DPP9: variants seen among roughly 807,000 people sequenced by gnomAD.
DPP9 encodes the protein dipeptidyl peptidase IV-related protein-2.
In DPP9, 50 loss-of-function variants were observed where a neutral mutation model predicts 110.7. The ratio of observed to expected loss-of-function variants is 0.45; its 90% confidence interval spans 0.36 to 0.57. The LOEUF is 0.57. Among genes scored for constraint, DPP9 ranks in the 20% least tolerant of loss-of-function variants. The pLI is 0.00. For synonymous variants in DPP9, 561 were observed against 514.4 expected, an observed-to-expected ratio of 1.09 and a Z score of -1.23; for missense variants, 1,022 against 1,217.9, an observed-to-expected ratio of 0.84 and a Z score of 2.39.
intron 4 of DPP9, among the ~76,000 whole-genome samples, chr19:4,707,283 T>C (rs2092630631): frequency 6.6e-6 from 1 of 152,130 alleles, no homozygotes; most frequent in Non-Finnish European, 1.5e-5. Context: ...TAGTGGCAAA[T>C]AAAATAACTG....
Position 4,694,934 on chromosome 19 carries a change from G to A in DPP9, c.1354-111C>T. 9.1e-7 allele frequency: 1 copy of A among 1,095,160 alleles called. No individual in the cohort carries two copies. Among genetic ancestry groups the A allele is most frequent in the South Asian group, 1.5e-5 (1 of 68,078 alleles). 67.8% of individuals were successfully genotyped at this position (1,095,160 alleles called of 1,614,324 possible). A position where few individuals can be genotyped will look rare whatever the true frequency, so the allele number is the denominator to read the frequency against. On this transcript the variant is annotated intron_variant, in intron 12 of 21. Transcript: ENST00000262960. This position sits in a 1 kb window ranked among gnomAD's most constrained non-coding sequence, Gnocchi z 4.0. ...AGGCTGGGGCAGGAGACTTGCTTGA[G>A]CCCAGGAATTTCAGAGACCAGCCTG... is the stretch of plus-strand genomic sequence containing the variant.
rs2090924143 is a variant in DPP9, at chr19:4,687,827, T to G, written c.1885+930A>C. ...GGTTTTTTTTTTTTGAGACGGAGTCTCGCTCTGTCGCCCAGGCTAAAGTAC... is the reference window on the plus strand; with the variant it reads ...GGTTTTTTTTTTTTGAGACGGAGTCGCGCTCTGTCGCCCAGGCTAAAGTAC... On this transcript the variant is annotated intron_variant, in intron 16 of 21. Coordinates refer to ENST00000262960, the MANE Select transcript of DPP9 (RefSeq NM_139159.5). The surrounding 1 kb of genome is among the most constrained non-coding windows in gnomAD (Gnocchi z 4.7). Among the ~76,000 whole-genome samples the G allele has an allele frequency of 6.6e-6, 1 of 152,070 alleles. No homozygotes were observed. The highest frequency in any genetic ancestry group is 2.4e-5 in the African/African-American group (1 of 41,398).
rs1275735055 is a variant in DPP9 at position 4,695,474 on chromosome 19, T to A, written c.1257A>T (p.Thr419=). 6.3e-7 allele frequency: 1 copy of A among 1,580,020 alleles called. No individual in the cohort carries two copies. The highest frequency in any genetic ancestry group is 8.6e-7 in the Non-Finnish European group (1 of 1,164,186). The part of the protein sequence containing the change: ...LLPPALFIPS[T]ENEEQRLASA... Reference sequence around the variant, plus strand: ...AGGCTAGCCGCTGCTCCTCATTCTCTGTGCTCGGGATGAACAGGGCCGGGG... The same window carrying A: ...AGGCTAGCCGCTGCTCCTCATTCTCAGTGCTCGGGATGAACAGGGCCGGGG... Residue 419 remains threonine (T), a synonymous_variant, in exon 12 of 22, where the codon ACA becomes ACT. Transcript: ENST00000262960. This position sits in a 1 kb window ranked among gnomAD's most constrained non-coding sequence, Gnocchi z 4.7.
At chr19:4,717,381 C>T (rs2093129248) in intron 3 of DPP9, among the ~76,000 whole-genome samples, 1 of 152,178 alleles carries the variant, frequency 6.6e-6, no homozygotes, top group Non-Finnish European at 1.5e-5. Context: ...CCCCACTGCC[C>T]CAAGCACTGC....
chr19:4,678,768 C>A (rs1003614886), intron 21 of DPP9, among the ~76,000 whole-genome samples: 1 of 151,998 alleles, frequency 6.6e-6, no homozygotes, highest in Non-Finnish European at 1.5e-5. Context: ...CAGAGCATGC[C>A]GAGGCGCCCA....
intron 4 of DPP9, among the ~76,000 whole-genome samples, chr19:4,713,761 A>C (rs114149871): frequency 0.016 from 2,452 of 152,206 alleles, 73 homozygotes; most frequent in African/African-American, 0.056. Flanking sequence ...GACCCGGCTG[A>C]CTAGCACTGG....
chr19:4,678,142 T>C (rs558287153), intron 21 of DPP9, among the ~76,000 whole-genome samples: 1 of 151,816 alleles, frequency 6.6e-6, no homozygotes, highest in Non-Finnish European at 1.5e-5. Flanking sequence ...AGACGGAGTC[T>C]CCCTCTGCCG....
At chr19:4,679,750 G>A in intron 21 of DPP9, 85 bp downstream of exon 21, 1 of 1,073,060 alleles carries the variant, frequency 9.3e-7, no homozygotes, top group Non-Finnish European at 1.4e-6. Context: ...TGGTCACAGT[G>A]GGAAGCCACC....
Position 4,704,743 on chromosome 19 carries a change from G to A in DPP9, c.427-439C>T, listed in dbSNP as rs531463715. Among the ~76,000 whole-genome samples the A allele has an allele frequency of 2.6e-5, 4 of 152,278 alleles. No homozygotes were observed. Among genetic ancestry groups the A allele is most frequent in the East Asian group, 3.9e-4 (2 of 5,184 alleles). ...CTTCCCATCAAGAGCTTTCAATTTC[G>A]TAATCCCAGCACTTTGGGAGGCCGA... On this transcript the variant is annotated intron_variant, in intron 5 of 21. Coordinates refer to ENST00000262960, the MANE Select transcript of DPP9 (RefSeq NM_139159.5). This position sits in a 1 kb window ranked among gnomAD's most constrained non-coding sequence, Gnocchi z 6.0.
intron 4 of DPP9, among the ~76,000 whole-genome samples, chr19:4,708,769 A>T (rs1247408746): frequency 2.0e-5 from 3 of 152,152 alleles, no homozygotes; most frequent in African/African-American, 7.2e-5. Flanking sequence ...CAGAACAGAC[A>T]CTGGGGCCTA....
At position 4,676,444 on chromosome 19, in the gene DPP9, A is replaced by G. The variant is rs2088837743; in HGVS notation, c.*120T>C. On this transcript the variant is annotated 3_prime_UTR_variant, in exon 22 of 22. Coordinates refer to ENST00000262960, the MANE Select transcript of DPP9 (RefSeq NM_139159.5). This position sits in a 1 kb window ranked among gnomAD's most constrained non-coding sequence, Gnocchi z 4.0. ...AGGCAGCGGCTCCTCGGGGCTGGCCAGCGCTGGGCGGGACAAAGTGCCTCA... is the reference window on the plus strand; with the variant it reads ...AGGCAGCGGCTCCTCGGGGCTGGCCGGCGCTGGGCGGGACAAAGTGCCTCA... 5 of 841,328 alleles carry G rather than the reference A, an allele frequency of 5.9e-6. No individual in the cohort carries two copies. Among genetic ancestry groups the G allele is most frequent in the Non-Finnish European group, 9.7e-6 (5 of 516,706 alleles). The allele number at this position is 841,328 out of a possible 1,614,324, so 52.1% of individuals were successfully genotyped here. A position where few individuals can be genotyped will look rare whatever the true frequency, so the allele number is the denominator to read the frequency against.
Position 4,710,287 on chromosome 19 carries a change from C to T in DPP9, c.313+3794G>A, listed in dbSNP as rs998491421. Reference sequence around the variant, plus strand: ...CTCTCCCCTGGATCTCAGCCTGGGACGTCGGGAGACAGGAATTCTTGCTTT... The same window carrying T: ...CTCTCCCCTGGATCTCAGCCTGGGATGTCGGGAGACAGGAATTCTTGCTTT... On this transcript the variant is annotated intron_variant, in intron 4 of 21. Transcript: ENST00000262960. This position sits in a 1 kb window ranked among gnomAD's most constrained non-coding sequence, Gnocchi z 5.6. Among the ~76,000 whole-genome samples the T allele has an allele frequency of 5.3e-5, 8 of 152,250 alleles. No homozygotes were observed. The highest frequency in any genetic ancestry group is 1.3e-4 in the Admixed American group (2 of 15,290).
chr19:4,683,932 A>G, intron 18 of DPP9: 1 of 933,384 alleles, frequency 1.1e-6, no homozygotes, highest in Admixed American at 2.6e-5. Flanking sequence ...CCCATTTTCT[A>G]GAGGGCACAA....
chr19:4,676,760 C>T lies in DPP9; in HGVS notation c.2587-104G>A, dbSNP rs1240796658. On this transcript the variant is annotated intron_variant, in intron 21 of 21. Coordinates refer to ENST00000262960, the MANE Select transcript of DPP9 (RefSeq NM_139159.5). This position sits in a 1 kb window ranked among gnomAD's most constrained non-coding sequence, Gnocchi z 4.0. ...CAGGGCATCCGGGAAGGCGCAGGTGCTCTGAGGCCCAGTGATCTGGGTTTG... is the reference window on the plus strand; with the variant it reads ...CAGGGCATCCGGGAAGGCGCAGGTGTTCTGAGGCCCAGTGATCTGGGTTTG... The T allele has an allele frequency of 4.5e-6, 4 of 884,562 alleles. No individual in the cohort carries two copies. The highest frequency in any genetic ancestry group is 7.2e-6 in the Non-Finnish European group (4 of 553,106). The allele number at this position is 884,562 out of a possible 1,614,324, so 54.8% of individuals were successfully genotyped here.
chr19:4,682,583 G>T lies in DPP9; in HGVS notation c.2474+113C>A. 2 of 1,471,846 alleles carry T rather than the reference G, an allele frequency of 1.4e-6. No homozygotes were observed. The highest frequency in any genetic ancestry group is 2.5e-5 in the East Asian group (1 of 40,682). 91.2% of individuals were successfully genotyped at this position (1,471,846 alleles called of 1,614,324 possible). Reference sequence around the variant, plus strand: ...ACAGCGGGGAGGCTCCACATGGCCTGAGGCTCCCTGGGCAGGGCCAGCTGG... The same window carrying T: ...ACAGCGGGGAGGCTCCACATGGCCTTAGGCTCCCTGGGCAGGGCCAGCTGG... On this transcript the variant is annotated intron_variant, in intron 20 of 21. Transcript: ENST00000262960. The surrounding 1 kb of genome is among the most constrained non-coding windows in gnomAD (Gnocchi z 7.1).
In DPP9 at chr19:4,679,813, G is replaced by A. The variant is rs201338363; in HGVS notation, c.2586+22C>T. 6.9e-4 allele frequency: 1,056 copies of A among 1,537,086 alleles called. 12 individuals are homozygous for A. The African/African-American group carries it at 0.012, about 17-fold the overall frequency. ...GGATCTGTCGGCTCGCGGAGGGGCC[G>A]AAGCCCCCAACAGCCACCCACCTGG... On this transcript the variant is annotated intron_variant, in intron 21 of 21. Transcript: ENST00000262960.
chr19:4,713,949 G>T, intron 4 of DPP9, 132 bp downstream of exon 4: 1 of 1,353,638 alleles, frequency 7.4e-7, no homozygotes, highest in Non-Finnish European at 9.8e-7. Flanking sequence ...GAGCCTCGAA[G>T]GACAGCATGC....
chr19:4,701,907 C>T, intron 9 of DPP9, 120 bp downstream of exon 9: 1 of 1,401,802 alleles, frequency 7.1e-7, no homozygotes, highest in Non-Finnish European at 9.7e-7. Context: ...TCTACACCCC[C>T]ATAGATGCCC....
chr19:4,683,366 C>T (rs779651319), intron 19 of DPP9, 111 bp downstream of exon 19: 43 of 1,523,910 alleles, frequency 2.8e-5, no homozygotes, highest in South Asian at 2.5e-4. Context: ...CCTGCCGAGG[C>T]GCCTCCCCGG....
Sources: allele counts gnomAD v4.1 joint callset (sites outside exome capture counted in the v4.1 genomes callset), GRCh38; gene constraint gnomAD v4.1.1; non-coding constraint Gnocchi (gnomAD v3.1); transcripts MANE v1.5; gene names NCBI Gene and HGNC (gene_info 2026-07-23, HGNC 2026-07-21).